MICAL3: variants seen among roughly 807,000 people sequenced by gnomAD.
MICAL3 encodes [F-actin]-monooxygenase MICAL3.
Under a neutral mutation model 207.4 loss-of-function variants are expected in MICAL3, and 62 were observed. The observed-to-expected ratio is 0.30, with a 90% CI of 0.24 to 0.37. MICAL3 has a LOEUF of 0.37. Ranked by LOEUF, MICAL3 falls within the 10% of genes least tolerant of loss-of-function variation. The pLI, the probability that MICAL3 is intolerant of heterozygous loss-of-function variation, is 1.00. For synonymous variants in MICAL3, 1,077 were observed against 1,069.3 expected, an observed-to-expected ratio of 1.01 and a Z score of -0.14; for missense variants, 2,368 against 2,635.6, an observed-to-expected ratio of 0.90 and a Z score of 2.22.
chr22:17,843,784 G>C (rs116236236), intron 19 of MICAL3, among the ~76,000 whole-genome samples: 1 of 152,124 alleles, frequency 6.6e-6, no homozygotes, highest in Non-Finnish European at 1.5e-5. Flanking sequence ...TCTGGAGAGC[G>C]AACAGTCGTT....
chr22:17,899,476 C>G lies in MICAL3; in HGVS notation c.920G>C (p.Ser307Thr), dbSNP rs1343109749. 6.2e-7 allele frequency: 1 copy of G among 1,609,756 alleles called. No homozygotes were observed. The highest frequency in any genetic ancestry group is 8.5e-7 in the Non-Finnish European group (1 of 1,177,602). ...HYFVMTAKKQ[S>T]LLDKGVILHD... ...TAGTATCACTCCTTTGTCCAGCAAACTCTGCTTTTTGGCTGTCATAACGAA... is the reference window on the plus strand; with the variant it reads ...TAGTATCACTCCTTTGTCCAGCAAAGTCTGCTTTTTGGCTGTCATAACGAA... The change falls in exon 7 of 32, where the codon AGT becomes ACT. Residue 307 changes from serine to threonine, a missense_variant. Around this residue, in one of 4 missense-constraint regions of MICAL3, gnomAD observed 400 missense variants for 547.0 expected, o/e 0.73. Transcript: ENST00000441493.
rs1195101695 is a variant in MICAL3, at chr22:17,976,589, A to ATTTT, written c.-75+47688_-75+47691dup. Among the ~76,000 whole-genome samples, 238 of 67,120 alleles carry ATTTT rather than the reference A, an allele frequency of 3.5e-3. 9 individuals are homozygous for ATTTT. Among genetic ancestry groups the ATTTT allele is most frequent in the Middle Eastern group, 0.011 (1 of 88 alleles). 44.0% of individuals were successfully genotyped at this position (67,120 alleles called of 152,430 possible). A position where few individuals can be genotyped will look rare whatever the true frequency, so the allele number is the denominator to read the frequency against. On this transcript the variant is annotated intron_variant, in intron 1 of 31. Transcript: ENST00000441493. ...TATATATATATATATATATATATAT[A>ATTTT]TTTTTTTTTTTTTTTTTTGAGACAG...
intron 1 of MICAL3, among the ~76,000 whole-genome samples, chr22:17,982,828 T>C (rs1158833495): frequency 6.6e-6 from 1 of 152,134 alleles, no homozygotes; most frequent in Non-Finnish European, 1.5e-5. Context: ...CCTGAGGTAC[T>C]TCTTCCACAG....
At chr22:17,824,704 G>A (rs985738536) in intron 22 of MICAL3, among the ~76,000 whole-genome samples, 5 of 152,184 alleles carry the variant, frequency 3.3e-5, no homozygotes, top group South Asian at 2.1e-4. Flanking sequence ...AGTGGCCCAC[G>A]TTGCTGGCCG....
chr22:17,962,654 CACTA>C (rs1602300905), intron 1 of MICAL3, among the ~76,000 whole-genome samples: 1 of 139,396 alleles, frequency 7.2e-6, no homozygotes, highest in Non-Finnish European at 1.6e-5. Flanking sequence ...AAATTTGGAG[CACTA>C]ACTATGGCAG....
intron 29 of MICAL3, among the ~76,000 whole-genome samples, chr22:17,795,410 G>A (rs533916011): frequency 3.9e-4 from 60 of 152,286 alleles, no homozygotes; most frequent in African/African-American, 1.2e-3. Flanking sequence ...GCGGAACAGC[G>A]CCCATGTGAT....
chr22:17,952,940 C>T (rs980746159), intron 1 of MICAL3, among the ~76,000 whole-genome samples: 4 of 152,122 alleles, frequency 2.6e-5, no homozygotes, highest in African/African-American at 4.8e-5. Context: ...TGCCTTTTAC[C>T]GCGCCTGACT....
chr22:17,988,891 T>C, intron 1 of MICAL3, among the ~76,000 whole-genome samples: 1 of 152,212 alleles, frequency 6.6e-6, no homozygotes. Context: ...AGCTATCCAC[T>C]TCTGTGCTCT....
chr22:17,973,027 T>C (rs2146415204), intron 1 of MICAL3, among the ~76,000 whole-genome samples: 1 of 152,350 alleles, frequency 6.6e-6, no homozygotes, highest in Non-Finnish European at 1.5e-5. Flanking sequence ...CAAGGGGCCC[T>C]CAGCCATGCC....
At chr22:17,968,878 GTATTT>G (rs1321786867) in intron 1 of MICAL3, among the ~76,000 whole-genome samples, 1 of 152,142 alleles carries the variant, frequency 6.6e-6, no homozygotes, top group Non-Finnish European at 1.5e-5. Flanking sequence ...AAATAGATTT[GTATTT>G]TATTAACTAC....
At chr22:17,832,839 C>T (rs1173238373) in intron 20 of MICAL3, among the ~76,000 whole-genome samples, 4 of 152,158 alleles carry the variant, frequency 2.6e-5, no homozygotes, top group Non-Finnish European at 4.4e-5. Flanking sequence ...CCTGGCACTC[C>T]TTAGAACCCT....
chr22:17,976,578 TATATATA>T (rs1569154165), intron 1 of MICAL3, among the ~76,000 whole-genome samples: 29 of 101,954 alleles, frequency 2.8e-4, no homozygotes, highest in African/African-American at 8.8e-4. Flanking sequence ...TATATATATA[TATATATA>T]TATATTTTTT....
intron 29 of MICAL3, among the ~76,000 whole-genome samples, chr22:17,802,200 C>T (rs960999311): frequency 6.6e-6 from 1 of 151,908 alleles, no homozygotes. Context: ...GTAGATGGAA[C>T]TACAGGCACG....
chr22:17,863,353 A>C, intron 19 of MICAL3: 1 of 985,406 alleles, frequency 1.0e-6, no homozygotes, highest in Non-Finnish European at 1.2e-6. Context: ...GCCCAGACTA[A>C]TAAGGTGGTG....
intron 1 of MICAL3, among the ~76,000 whole-genome samples, chr22:18,012,320 G>A (rs1242222913): frequency 6.6e-6 from 1 of 152,248 alleles, no homozygotes; most frequent in Admixed American, 6.5e-5. Context: ...TGAGGAGCGA[G>A]TGGACAGCTG....
Position 17,898,096 on chromosome 22 carries a change from C to T in MICAL3, c.949-1115G>A, listed in dbSNP as rs746805164. ...TAACAGCATACACCAAAGGCATGGC[C>T]CCTGCCCTCTTAAAAAAAAAAAAAC... On this transcript the variant is annotated intron_variant, in intron 7 of 31. Transcript: ENST00000441493. Among the ~76,000 whole-genome samples, 73 of 122,672 alleles carry T rather than the reference C, an allele frequency of 6.0e-4. 1 individual carries two copies. The highest frequency in any genetic ancestry group is 1.8e-4 in the African/African-American group (5 of 27,168). 80.5% of individuals were successfully genotyped at this position (122,672 alleles called of 152,430 possible).
intron 26 of MICAL3, among the ~76,000 whole-genome samples, chr22:17,817,063 G>A (rs960275843): frequency 3.9e-5 from 6 of 152,110 alleles, no homozygotes; most frequent in South Asian, 2.1e-4. Flanking sequence ...CTCTGGGGTC[G>A]TCTGACTTTA....
rs1162131734 is a variant in MICAL3, at chr22:17,900,263, T to G, written c.847+579A>C. Among the ~76,000 whole-genome samples, 2 of 152,092 alleles carry G rather than the reference T, an allele frequency of 1.3e-5. No homozygotes were observed. Among genetic ancestry groups the G allele is most frequent in the Non-Finnish European group, 2.9e-5 (2 of 68,026 alleles). Reference sequence around the variant, plus strand: ...CAGCATCACAGCACAGGGCAGGCATTGGGAAGAACTAGTGGAGGCAGAACG... The same window carrying G: ...CAGCATCACAGCACAGGGCAGGCATGGGGAAGAACTAGTGGAGGCAGAACG... On this transcript the variant is annotated intron_variant, in intron 6 of 31. Coordinates refer to ENST00000441493, the MANE Select transcript of MICAL3 (RefSeq NM_015241.3). This position sits in a 1 kb window ranked among gnomAD's most constrained non-coding sequence, Gnocchi z 4.0.
intron 1 of MICAL3, among the ~76,000 whole-genome samples, chr22:17,994,950 C>T (rs572489613): frequency 1.3e-5 from 2 of 152,124 alleles, no homozygotes; most frequent in South Asian, 2.1e-4. Context: ...CACCTGCAGA[C>T]GTGCCTAATG....
Sources: gnomAD v4.1 joint callset for allele counts (sites outside exome capture counted in the v4.1 genomes callset) on GRCh38, gnomAD v4.1.1 for gene constraint, gnomAD v4.1.1 regional missense constraint, Gnocchi (gnomAD v3.1) non-coding constraint, MANE v1.5 for transcripts, NCBI Gene and HGNC (gene_info 2026-07-23, HGNC 2026-07-21) for gene names.